Variants in DPP6 observed in about 807,000 individuals in gnomAD.
DPP6 encodes the protein dipeptidyl peptidase like 6.
Under a neutral mutation model 122.6 loss-of-function variants are expected in DPP6, and 69 were observed. The observed-to-expected ratio is 0.56, with a 90% confidence interval of 0.46 to 0.69. The LOEUF is 0.69. Ranked by LOEUF, DPP6 falls within the 30% of genes least tolerant of loss-of-function variation. The pLI, the probability that DPP6 is intolerant of heterozygous loss-of-function variation, is 0.00. For missense variants in DPP6, 928 were observed against 1,116.9 expected, an observed-to-expected ratio of 0.83 and a Z score of 2.41; for synonymous variants, 418 against 433.1, an observed-to-expected ratio of 0.97 and a Z score of 0.43.
chr7:153,753,204 G>A, the DPP6 span, among the ~76,000 whole-genome samples: 7 of 150,648 alleles, frequency 4.6e-5, no homozygotes, highest in Middle Eastern at 0.01. Flanking sequence ...CTAGCCATGG[G>A]TTCTTTTATA....
upstream of DPP6, among the ~76,000 whole-genome samples, chr7:153,885,182 A>G (rs1798864873): frequency 6.6e-6 from 1 of 151,726 alleles, no homozygotes; most frequent in Non-Finnish European, 1.5e-5. Flanking sequence ...AAAGAACCAT[A>G]TTAACCCTGC....
At chr7:154,396,718 T>C (rs1815119006) in intron 1 of DPP6, among the ~76,000 whole-genome samples, 1 of 152,174 alleles carries the variant, frequency 6.6e-6, no homozygotes, top group Non-Finnish European at 1.5e-5. Context: ...CCAAGGTGGG[T>C]GAATCACCTG....
intron 15 of DPP6, among the ~76,000 whole-genome samples, chr7:154,806,671 T>A (rs1798715223): frequency 6.6e-6 from 1 of 152,200 alleles, no homozygotes; most frequent in Non-Finnish European, 1.5e-5. Context: ...CTAGATCATA[T>A]AACACTGACA....
chr7:153,934,760 A>G (rs1801348753), intron 1 of DPP6, among the ~76,000 whole-genome samples: 1 of 152,102 alleles, frequency 6.6e-6, no homozygotes, highest in African/African-American at 2.4e-5. Context: ...ACCCACTTGC[A>G]GGAAACGAGG....
intron 1 of DPP6, among the ~76,000 whole-genome samples, chr7:154,076,484 A>G (rs71532605): frequency 0.22 from 32,378 of 149,662 alleles, 3,552 homozygotes; most frequent in East Asian, 0.42. Context: ...AAAGCAGACC[A>G]GAAATAGTTC....
intron 1 of DPP6, among the ~76,000 whole-genome samples, chr7:154,319,788 C>A (rs935917503): frequency 6.6e-6 from 1 of 151,670 alleles, no homozygotes; most frequent in East Asian, 1.9e-4. Flanking sequence ...GTCAGGAGAT[C>A]GAGACCATCC....
chr7:154,703,046 G>A (rs891331580), intron 7 of DPP6, among the ~76,000 whole-genome samples: 5 of 152,124 alleles, frequency 3.3e-5, no homozygotes, highest in African/African-American at 7.2e-5. Context: ...AGTCTACTCC[G>A]CCTATGCTCT....
intron 7 of DPP6, among the ~76,000 whole-genome samples, chr7:154,677,286 T>C (rs1838972693): frequency 6.6e-6 from 1 of 152,158 alleles, no homozygotes; most frequent in Non-Finnish European, 1.5e-5. Flanking sequence ...TACCTACCCA[T>C]GAGCATCTGC....
Position 154,189,839 on chromosome 7 carries a change from A to T in DPP6, c.243+136776A>T, listed in dbSNP as rs190550120. ...GAGGAAAACAAAGAAACAAAATGTG[A>T]TGCAGTCAAACAATTTAATTTCTCA... On this transcript the variant is annotated intron_variant, in intron 1 of 25. Coordinates refer to ENST00000377770, the MANE Select transcript of DPP6 (RefSeq NM_130797.4). 2.4e-4 allele frequency among the ~76,000 whole-genome samples: 36 copies of T among 152,320 alleles called. 1 individual carries two copies. Among genetic ancestry groups the T allele is most frequent in the Non-Finnish European group, 1.5e-4 (10 of 68,032 alleles).
At chr7:153,753,548 C>T in the DPP6 span, among the ~76,000 whole-genome samples, 4 of 151,466 alleles carry the variant, frequency 2.6e-5, no homozygotes, top group East Asian at 7.9e-4. Flanking sequence ...AAAGAGTAAT[C>T]GTTTTGTCTG....
intron 5 of DPP6, among the ~76,000 whole-genome samples, chr7:154,594,605 TTA>T (rs1187740801): frequency 5.3e-5 from 8 of 152,214 alleles, no homozygotes; most frequent in Non-Finnish European, 1.2e-4. Context: ...ATATCCACTC[TTA>T]TGTTTTTATT....
At chr7:153,898,890 T>C (rs921654896) in intron 1 of DPP6, among the ~76,000 whole-genome samples, 2 of 152,250 alleles carry the variant, frequency 1.3e-5, no homozygotes, top group African/African-American at 4.8e-5. Context: ...TGCTGGTTTG[T>C]ATATAACTTT....
chr7:154,149,477 G>T (rs2150681604), intron 1 of DPP6, among the ~76,000 whole-genome samples: 1 of 151,972 alleles, frequency 6.6e-6, no homozygotes, highest in East Asian at 1.9e-4. Flanking sequence ...GTGTGCTGTT[G>T]GGGAGGGCCC....
chr7:154,772,654 C>T (rs1373524673), intron 9 of DPP6, among the ~76,000 whole-genome samples, 191 bp from the exon 10 acceptor site: 1 of 152,168 alleles, frequency 6.6e-6, no homozygotes, highest in Non-Finnish European at 1.5e-5. Flanking sequence ...AGAATCAGCC[C>T]ACTTAGCCCT....
At chr7:154,494,005 A>G (rs938420096) in intron 3 of DPP6, among the ~76,000 whole-genome samples, 6 of 152,198 alleles carry the variant, frequency 3.9e-5, no homozygotes, top group African/African-American at 1.4e-4. Context: ...ACTTAGATGG[A>G]AAGTGGAAAG....
chr7:154,753,164 C>G (rs1462872319), intron 8 of DPP6, among the ~76,000 whole-genome samples: 1 of 152,190 alleles, frequency 6.6e-6, no homozygotes, highest in Non-Finnish European at 1.5e-5. Context: ...TTGACATTGT[C>G]TCCTAAACAG....
At chr7:154,708,638 A>G (rs1216521969) in intron 7 of DPP6, among the ~76,000 whole-genome samples, 5 of 152,232 alleles carry the variant, frequency 3.3e-5, no homozygotes, top group Admixed American at 3.3e-4. Flanking sequence ...GCCAAGATGC[A>G]CACAATAGTA....
At chr7:154,525,984 G>A (rs188879815) in intron 3 of DPP6, among the ~76,000 whole-genome samples, 57 of 152,188 alleles carry the variant, frequency 3.7e-4, no homozygotes, top group Admixed American at 1.9e-3. Context: ...ATCATGTTGC[G>A]TACTTTTTAA....
chr7:154,042,885 A>T, intron 1 of DPP6, among the ~76,000 whole-genome samples: 1 of 152,222 alleles, frequency 6.6e-6, no homozygotes, highest in Non-Finnish European at 1.5e-5. Flanking sequence ...ATCAGGGTAG[A>T]AACCAAGAGT....
Sources: gnomAD v4.1 joint callset for allele counts (sites outside exome capture counted in the v4.1 genomes callset) on GRCh38, gnomAD v4.1.1 for gene constraint, MANE v1.5 for transcripts, NCBI Gene and HGNC (gene_info 2026-07-23, HGNC 2026-07-21) for gene names.